POLDIP2: variants seen among roughly 807,000 people sequenced by gnomAD.
The protein encoded by POLDIP2 is DNA polymerase delta interacting protein 2.
In POLDIP2, 32 loss-of-function variants were observed where a neutral mutation model predicts 52.9. The observed-to-expected ratio is 0.61, with a 90% confidence interval of 0.46 to 0.81. POLDIP2 has a LOEUF of 0.81. Ranked by LOEUF, POLDIP2 falls within the 40% of genes least tolerant of loss-of-function variation. The probability of loss-of-function intolerance (pLI) is 0.00; values close to 1 mark genes in which losing one functional copy is unlikely to be tolerated. For synonymous variants in POLDIP2, 183 were observed against 183.0 expected (o/e 1.00, Z 0.00); for missense variants, 371 against 477.3 (o/e 0.78, Z 2.07).
intron 1 of POLDIP2, 107 bp downstream of exon 1, chr17:28,357,181 C>T: frequency 9.3e-7 from 1 of 1,073,170 alleles, no homozygotes; most frequent in East Asian, 3.2e-5. Flanking sequence ...CCGGGTCAAA[C>T]TCCAGTCACC....
intron 6 of POLDIP2, among the ~76,000 whole-genome samples, chr17:28,352,253 T>TTTC (rs1234903640): frequency 5.5e-5 from 8 of 145,758 alleles, no homozygotes; most frequent in African/African-American, 2.1e-4. Context: ...TTTTTTTTTT[T>TTTC]TTGGAGACGG....
At chr17:28,354,941 C>T (rs1160831567) in intron 2 of POLDIP2, among the ~76,000 whole-genome samples, 3 of 152,166 alleles carry the variant, frequency 2.0e-5, no homozygotes, top group Non-Finnish European at 2.9e-5. Flanking sequence ...CCCTAATGCA[C>T]AATGCCTAGT....
In POLDIP2 at chr17:28,357,502, G is replaced by A. The variant is rs1908116147; in HGVS notation, c.-54C>T. 7 of 1,433,824 alleles carry A rather than the reference G, an allele frequency of 4.9e-6. No individual in the cohort carries two copies. Among genetic ancestry groups the A allele is most frequent in the South Asian group, 1.5e-5 (1 of 67,200 alleles). The allele number at this position is 1,433,824 out of a possible 1,614,324, so 88.8% of individuals were successfully genotyped here. On this transcript the variant is annotated 5_prime_UTR_variant, in exon 1 of 11. Coordinates refer to ENST00000540200, the MANE Select transcript of POLDIP2 (RefSeq NM_015584.5). ...GACACAGAGCCCGACCCGCGGCCGG[G>A]CGGCGTTCCGCCCCAGTCCCACACT...
chr17:28,347,473 C>T lies in POLDIP2; in HGVS notation c.*644G>A, dbSNP rs1459483636. 6.6e-6 allele frequency: 1 copy of T among 152,352 alleles called. No individual in the cohort carries two copies. The highest frequency in any genetic ancestry group is 2.4e-5 in the African/African-American group (1 of 41,456). The allele number at this position is 152,352 out of a possible 1,614,324, so 9.4% of individuals were successfully genotyped here. A position where few individuals can be genotyped will look rare whatever the true frequency, so the allele number is the denominator to read the frequency against. ...CCCGACTGGCTTGCCTCCCTCCTCT[C>T]CTGGGCCTAGCGAGGCCAGAAATGG... On this transcript the variant is annotated 3_prime_UTR_variant, in exon 11 of 11. Coordinates refer to ENST00000540200, the MANE Select transcript of POLDIP2 (RefSeq NM_015584.5).
rs782659260 is a variant in POLDIP2 at position 28,357,496 on chromosome 17, G to C, written c.-48C>G. On this transcript the variant is annotated 5_prime_UTR_variant, in exon 1 of 11. Coordinates refer to ENST00000540200, the MANE Select transcript of POLDIP2 (RefSeq NM_015584.5). ...GCTGCTGACACAGAGCCCGACCCGC[G>C]GCCGGGCGGCGTTCCGCCCCAGTCC... The C allele has an allele frequency of 1.7e-5, 25 of 1,431,482 alleles. No individual in the cohort carries two copies. Among genetic ancestry groups the C allele is most frequent in the Non-Finnish European group, 2.2e-5 (24 of 1,103,890 alleles). 88.7% of individuals were successfully genotyped at this position (1,431,482 alleles called of 1,614,324 possible).
chr17:28,355,638 A>G (rs1555580757), intron 2 of POLDIP2, among the ~76,000 whole-genome samples, 157 bp downstream of exon 2: 1 of 152,088 alleles, frequency 6.6e-6, no homozygotes, highest in Non-Finnish European at 1.5e-5. Flanking sequence ...ATAAATAAAT[A>G]AAATAAAAAA....
At chr17:28,357,241 C>G in intron 1 of POLDIP2, 47 bp downstream of exon 1, 2 of 1,435,552 alleles carry the variant, frequency 1.4e-6, no homozygotes, top group Non-Finnish European at 1.8e-6. Context: ...AACACGCTCT[C>G]TGGGCTCCAG....
In POLDIP2 at chr17:28,348,227, T is replaced by C; in HGVS notation, c.997A>G (p.Thr333Ala). 6.2e-7 allele frequency: 1 copy of C among 1,610,280 alleles called. No homozygotes were observed. The highest frequency in any genetic ancestry group is 1.1e-5 in the South Asian group (1 of 90,998). ...LQASSGHMWG[T>A]FRFERPDGSH... The stretch of plus-strand genomic sequence containing the variant: ...CCATCAGGTCTTTCAAAGCGGAACG[T>C]GCCCCTACAGTCAGAAAGAAGCTGG... Residue 333 changes from threonine (T) to alanine (A), a missense_variant, in exon 11 of 11, where the codon ACG becomes GCG. Transcript: ENST00000540200.
intron 5 of POLDIP2, 72 bp from the exon 6 acceptor site, chr17:28,353,091 T>TA: frequency 1.3e-6 from 1 of 764,972 alleles, no homozygotes; most frequent in Non-Finnish European, 2.4e-6. Flanking sequence ...GAAGAAACAT[T>TA]AACTGGCCTT....
At chr17:28,351,944 G>T in intron 6 of POLDIP2, 144 bp from the exon 7 acceptor site, 1 of 691,958 alleles carries the variant, frequency 1.4e-6, no homozygotes, top group Non-Finnish European at 2.6e-6. Flanking sequence ...GCTCATACAT[G>T]AAGCAAAAGT....
intron 9 of POLDIP2, among the ~76,000 whole-genome samples, chr17:28,349,459 C>CAAA (rs11357551): frequency 1.9e-4 from 14 of 73,358 alleles, no homozygotes; most frequent in South Asian, 5.1e-4. Flanking sequence ...CCCATCTCCA[C>CAAA]AAAAAAAAAA....
In POLDIP2 at chr17:28,357,320, C is replaced by T; in HGVS notation, c.129G>A (p.Ser43=). The T allele has an allele frequency of 6.3e-7, 1 of 1,578,894 alleles. No individual in the cohort carries two copies. The highest frequency in any genetic ancestry group is 8.5e-7 in the Non-Finnish European group (1 of 1,172,528). ...AGAGGTGCCTCCGCGTCGTCGTGGT[C>T]GACGCTGGCGAGAAGGCTCCAGCTC... ...AAGAGAFSPA[S]TTTTRRHLSS... is the part of the protein sequence containing the mutation. The change falls in exon 1 of 11, where the codon TCG becomes TCA. Residue 43 remains serine (S), a synonymous_variant. Coordinates refer to ENST00000540200, the MANE Select transcript of POLDIP2 (RefSeq NM_015584.5).
chr17:28,348,190 T>G lies in POLDIP2; in HGVS notation c.1034A>C (p.Asp345Ala), dbSNP rs782564987. The G allele has an allele frequency of 1.9e-6, 3 of 1,613,844 alleles. No homozygotes were observed. The highest frequency in any genetic ancestry group is 2.2e-5 in the South Asian group (2 of 91,076). ...RFERPDGSHF[D>A]VRIPPFSLES... Reference sequence around the variant, plus strand: ...CAGGGAGAAGGGAGGAATCCGAACATCAAAGTGGGAGCCATCAGGTCTTTC... The same window carrying G: ...CAGGGAGAAGGGAGGAATCCGAACAGCAAAGTGGGAGCCATCAGGTCTTTC... The change falls in exon 11 of 11, where the codon GAT (aspartate) becomes GCT (alanine). Residue 345 changes from aspartate (D) to alanine (A), a missense_variant. Coordinates refer to ENST00000540200, the MANE Select transcript of POLDIP2 (RefSeq NM_015584.5).
chr17:28,351,995 C>A (rs1156769133), intron 6 of POLDIP2, among the ~76,000 whole-genome samples, 195 bp from the exon 7 acceptor site: 1 of 152,158 alleles, frequency 6.6e-6, no homozygotes, highest in Non-Finnish European at 1.5e-5. Context: ...CAAGAATAAG[C>A]CCTGAGGAGC....
intron 1 of POLDIP2, among the ~76,000 whole-genome samples, chr17:28,356,894 G>A (rs184213337): frequency 1.3e-5 from 2 of 152,222 alleles, no homozygotes; most frequent in African/African-American, 4.8e-5. Context: ...CCACACCCAA[G>A]AGTCTCGTTT....
chr17:28,353,494 C>G (rs1907894515), intron 4 of POLDIP2, among the ~76,000 whole-genome samples, 178 bp from the exon 5 acceptor site: 1 of 68,176 alleles, frequency 1.5e-5, no homozygotes, highest in Admixed American at 1.8e-4. Context: ...TGCACTCCAG[C>G]CTGGCGACAG....
intron 6 of POLDIP2, among the ~76,000 whole-genome samples, chr17:28,352,147 C>CT (rs1172711159): frequency 2.7e-5 from 4 of 146,776 alleles, no homozygotes; most frequent in African/African-American, 1.1e-4. Flanking sequence ...TAACTGCCAT[C>CT]TGTCATCTGT....
intron 2 of POLDIP2, among the ~76,000 whole-genome samples, chr17:28,354,844 C>T (rs1358619364): frequency 6.6e-6 from 1 of 152,232 alleles, no homozygotes; most frequent in African/African-American, 2.4e-5. Flanking sequence ...GCACAATGTA[C>T]AGCTATTGGC....
intron 2 of POLDIP2, among the ~76,000 whole-genome samples, chr17:28,354,878 G>T (rs956005172): frequency 6.6e-6 from 1 of 152,110 alleles, no homozygotes; most frequent in Non-Finnish European, 1.5e-5. Context: ...TTCTTTTCTA[G>T]ACTAGAAACT....
Sources: gnomAD v4.1 joint callset for allele counts (sites outside exome capture counted in the v4.1 genomes callset) on GRCh38, gnomAD v4.1.1 for gene constraint, MANE v1.5 for transcripts, NCBI Gene and HGNC (gene_info 2026-07-23, HGNC 2026-07-21) for gene names.